The following PAWR variants were observed in gnomAD, a reference collection of about 807,000 sequenced individuals.
PAWR encodes pro-apoptotic WT1 regulator, also known as PRKC apoptosis WT1 regulator protein.
PAWR carries 23 observed loss-of-function variants against 32.0 expected under a neutral mutation model. The observed-to-expected ratio is 0.72, with a 90% CI of 0.52 to 1.02. The LOEUF is 1.02. Among genes scored for constraint, PAWR ranks in the 50% least tolerant of loss-of-function variants. The pLI is 0.00. For missense variants in PAWR, 457 were observed against 437.7 expected (o/e 1.04, Z -0.39); for synonymous variants, 226 against 187.1 (o/e 1.21, Z -1.70).
intron 4 of PAWR, among the ~76,000 whole-genome samples, chr12:79,602,981 C>A (rs1874021578): frequency 6.6e-6 from 1 of 152,048 alleles, no homozygotes; most frequent in East Asian, 1.9e-4. Flanking sequence ...GTGGCTCTCA[C>A]CTGTAATCTC....
At chr12:79,647,248 C>A (rs1876622074) in intron 2 of PAWR, among the ~76,000 whole-genome samples, 1 of 151,470 alleles carries the variant, frequency 6.6e-6, no homozygotes, top group African/African-American at 2.4e-5. Flanking sequence ...CATACTACTG[C>A]AGAGATAATT....
intron 2 of PAWR, among the ~76,000 whole-genome samples, chr12:79,630,278 T>C (rs1375708247): frequency 6.7e-6 from 1 of 149,814 alleles, no homozygotes; most frequent in Non-Finnish European, 1.5e-5. Context: ...TTAAGAAAAA[T>C]TATGAAAAAC....
intron 2 of PAWR, among the ~76,000 whole-genome samples, chr12:79,658,257 C>T (rs1256885602): frequency 6.6e-6 from 1 of 152,056 alleles, no homozygotes. Context: ...ATTAATTGTC[C>T]TTAAAGAGTC....
chr12:79,677,689 G>C (rs1565703234), intron 2 of PAWR, among the ~76,000 whole-genome samples: 1 of 152,132 alleles, frequency 6.6e-6, no homozygotes, highest in Non-Finnish European at 1.5e-5. Context: ...GTTCCTCGAA[G>C]ATACTACCAG....
intron 2 of PAWR, among the ~76,000 whole-genome samples, chr12:79,653,053 G>GT (rs373811115): frequency 6.6e-6 from 1 of 151,942 alleles, no homozygotes; most frequent in Non-Finnish European, 1.5e-5. Flanking sequence ...TTGTTTGTTT[G>GT]TTTTTTTGAG....
At position 79,587,977 on chromosome 12, in the gene PAWR, T is replaced by G. The variant is rs1221811351; in HGVS notation, c.*4630A>C. 2 of 152,076 alleles carry G rather than the reference T, an allele frequency of 1.3e-5. No individual in the cohort carries two copies. The highest frequency in any genetic ancestry group is 2.9e-5 in the Non-Finnish European group (2 of 67,892). The allele number at this position is 152,076 out of a possible 1,614,324, so 9.4% of individuals were successfully genotyped here. ...TTTTTCCACAAATATTTGGATTACC[T>G]GAATTAGCTGATTCTTCAGCAAAAG... is the stretch of plus-strand genomic sequence containing the variant. On this transcript the variant is annotated 3_prime_UTR_variant, in exon 7 of 7. Coordinates refer to ENST00000328827, the MANE Select transcript of PAWR (RefSeq NM_002583.4).
Position 79,673,892 on chromosome 12 carries a change from A to G in PAWR, c.516+15837T>C, listed in dbSNP as rs542507933. 2.0e-5 allele frequency among the ~76,000 whole-genome samples: 3 copies of G among 152,324 alleles called. No homozygotes were observed. In the South Asian group the frequency reaches 6.2e-4, roughly 32 times the overall value. Reference sequence around the variant, plus strand: ...ATGAGAATTACAAAACACTGCTGAAAGAAATCAGAGATGACACAAAGTAAT... The same window carrying G: ...ATGAGAATTACAAAACACTGCTGAAGGAAATCAGAGATGACACAAAGTAAT... On this transcript the variant is annotated intron_variant, in intron 2 of 6. Transcript: ENST00000328827.
chr12:79,662,461 G>C lies in PAWR; in HGVS notation c.516+27268C>G, dbSNP rs959329975. On this transcript the variant is annotated intron_variant, in intron 2 of 6. Transcript: ENST00000328827. ...AGTCCAGTCTTTTAGTTCTTTGCCT[G>C]TGACTTTCTACTGTATTTACTGTAT... is the stretch of plus-strand genomic sequence containing the variant. Among the ~76,000 whole-genome samples, 8 of 152,220 alleles carry C rather than the reference G, an allele frequency of 5.3e-5. 1 individual carries two copies. The South Asian group carries it at 8.3e-4, about 16-fold the overall frequency.
chr12:79,688,733 CACA>C lies in PAWR; in HGVS notation c.516+993_516+995del, dbSNP rs887324904. 1.1e-3 allele frequency among the ~76,000 whole-genome samples: 165 copies of C among 152,102 alleles called. No homozygotes were observed. The Middle Eastern group carries it at 0.014, about 13-fold the overall frequency. On this transcript the variant is annotated intron_variant, in intron 2 of 6. Coordinates refer to ENST00000328827, the MANE Select transcript of PAWR (RefSeq NM_002583.4). ...TTATTGCAAATGCTTCTACTTAAACCACAATTAAAGTTGAGTAAAATTAGAAAG... is the reference window on the plus strand; with the variant it reads ...TTATTGCAAATGCTTCTACTTAAACCATTAAAGTTGAGTAAAATTAGAAAG...
intron 2 of PAWR, among the ~76,000 whole-genome samples, chr12:79,621,491 T>C (rs891670908): frequency 2.6e-5 from 4 of 152,144 alleles, no homozygotes; most frequent in Non-Finnish European, 4.4e-5. Context: ...TTCTTTATCA[T>C]TCATTCAATA....
intron 4 of PAWR, among the ~76,000 whole-genome samples, chr12:79,601,871 A>G (rs983118248): frequency 6.6e-6 from 1 of 152,182 alleles, no homozygotes; most frequent in Non-Finnish European, 1.5e-5. Context: ...AAAAATGAGA[A>G]TTTTTTAAAA....
intron 4 of PAWR, chr12:79,603,589 CA>C (rs1305789623): frequency 6.7e-6 from 1 of 149,626 alleles, no homozygotes; most frequent in East Asian, 2.0e-4. Flanking sequence ...AACAATATTT[CA>C]AAAAAGTTTA....
chr12:79,592,698 A>AT lies in PAWR; in HGVS notation c.937-6_937-5insA. The AT allele has an allele frequency of 1.4e-6, 1 of 731,696 alleles. No individual in the cohort carries two copies. Among genetic ancestry groups the AT allele is most frequent in the Non-Finnish European group, 2.5e-6 (1 of 406,572 alleles). The allele number at this position is 731,696 out of a possible 1,614,324, so 45.3% of individuals were successfully genotyped here. ...ATCTTCTATGTCATCTAGGTCCTTA[A>AT]GAAAAAAAAAAGACACTTTAAAAAT... On this transcript the variant is annotated splice_region_variant and splice_polypyrimidine_tract_variant and intron_variant, in intron 6 of 6. Coordinates refer to ENST00000328827, the MANE Select transcript of PAWR (RefSeq NM_002583.4).
At chr12:79,619,452 T>C (rs1347515449) in intron 3 of PAWR, among the ~76,000 whole-genome samples, 6 of 152,176 alleles carry the variant, frequency 3.9e-5, no homozygotes, top group African/African-American at 9.7e-5. Flanking sequence ...AAAAATCATA[T>C]CCTGAAGTTG....
chr12:79,655,807 ATG>A (rs1480394213), intron 2 of PAWR, among the ~76,000 whole-genome samples: 1 of 152,246 alleles, frequency 6.6e-6, no homozygotes, highest in Non-Finnish European at 1.5e-5. Context: ...ATATTAACAT[ATG>A]TGTTATAAAC....
intron 2 of PAWR, among the ~76,000 whole-genome samples, chr12:79,689,518 A>G (rs1452604675): frequency 6.6e-6 from 1 of 152,162 alleles, no homozygotes; most frequent in Non-Finnish European, 1.5e-5. Flanking sequence ...GAAGCCTGAA[A>G]AGCACGTGTC....
At chr12:79,646,449 T>C (rs951671246) in intron 2 of PAWR, among the ~76,000 whole-genome samples, 1 of 152,192 alleles carries the variant, frequency 6.6e-6, no homozygotes. Context: ...AAAGTCTACA[T>C]ACAAAATACT....
intron 2 of PAWR, among the ~76,000 whole-genome samples, chr12:79,628,634 T>C (rs1405404024): frequency 2.0e-5 from 3 of 151,800 alleles, no homozygotes; most frequent in Non-Finnish European, 4.4e-5. Context: ...ACCTTCAGTA[T>C]AAAAAAAGGT....
intron 4 of PAWR, chr12:79,604,179 A>G: frequency 1.1e-6 from 1 of 941,106 alleles, no homozygotes; most frequent in Non-Finnish European, 1.3e-6. Flanking sequence ...TTAACTCCAA[A>G]AAGTTTTTAA....
Sources: allele counts gnomAD v4.1 joint callset (sites outside exome capture counted in the v4.1 genomes callset), GRCh38; gene constraint gnomAD v4.1.1; transcripts MANE v1.5; gene names NCBI Gene and HGNC (gene_info 2026-07-23, HGNC 2026-07-21).